NLGN1: variants seen among roughly 807,000 people sequenced by gnomAD.
NLGN1 encodes the protein neuroligin-1.
In NLGN1, 12 loss-of-function variants were observed where a neutral mutation model predicts 65.5. That is an observed-to-expected ratio of 0.18 (90% CI 0.12 to 0.30). NLGN1 has a LOEUF of 0.30. Ranked by LOEUF, NLGN1 falls within the 10% of genes least tolerant of loss-of-function variation. The probability of loss-of-function intolerance (pLI) is 1.00; values close to 1 mark genes in which losing one functional copy is unlikely to be tolerated. For missense variants in NLGN1, 750 were observed against 1,007.1 expected (o/e 0.74, Z 3.46); for synonymous variants, 350 against 359.5 (o/e 0.97, Z 0.30).
intron 4 of NLGN1, among the ~76,000 whole-genome samples, chr3:174,048,897 G>T (rs2152500098): frequency 6.6e-6 from 1 of 151,974 alleles, no homozygotes; most frequent in South Asian, 2.1e-4. Flanking sequence ...GACATTTATG[G>T]CTCTCAAAAC....
intron 4 of NLGN1, among the ~76,000 whole-genome samples, chr3:174,027,872 C>T (rs1729153162): frequency 6.6e-6 from 1 of 152,084 alleles, no homozygotes; most frequent in South Asian, 2.1e-4. Flanking sequence ...TAAGTCTCAC[C>T]TTGAATTGTG....
At chr3:173,493,384 T>C (rs1358145122) in intron 2 of NLGN1, among the ~76,000 whole-genome samples, 1 of 151,850 alleles carries the variant, frequency 6.6e-6, no homozygotes, top group Non-Finnish European at 1.5e-5. Context: ...CAAGCAATAA[T>C]GAACTGCAGT....
At position 174,279,414 on chromosome 3, in the gene NLGN1, C is replaced by T; in HGVS notation, c.1413C>T (p.Ala471=). The T allele has an allele frequency of 6.2e-7, 1 of 1,613,242 alleles. No homozygotes were observed. Among genetic ancestry groups the T allele is most frequent in the Non-Finnish European group, 8.5e-7 (1 of 1,179,498 alleles). The change falls in exon 6 of 7, where the codon GCC becomes GCT. Residue 471 remains alanine, a synonymous_variant. Transcript: ENST00000457714. The surrounding 1 kb of genome is among the most constrained non-coding windows in gnomAD (Gnocchi z 4.7). ...ATCAGTGGGTGGCACCAGCTGTAGCCACAGCGGATCTTCACTCAAACTTTG... is the reference window on the plus strand; with the variant it reads ...ATCAGTGGGTGGCACCAGCTGTAGCTACAGCGGATCTTCACTCAAACTTTG...
chr3:174,259,607 A>G (rs1335799359), intron 4 of NLGN1, among the ~76,000 whole-genome samples: 2 of 152,168 alleles, frequency 1.3e-5, no homozygotes, highest in Non-Finnish European at 2.9e-5. Flanking sequence ...TTATTACAAT[A>G]CAATTAAATG....
intron 4 of NLGN1, among the ~76,000 whole-genome samples, chr3:173,824,005 C>T (rs1720846807): frequency 6.7e-6 from 1 of 150,274 alleles, no homozygotes; most frequent in Admixed American, 6.6e-5. Context: ...ATTTTGTTTT[C>T]CAGAGGTTTG....
At chr3:173,964,365 G>A (rs1714325036) in intron 4 of NLGN1, among the ~76,000 whole-genome samples, 1 of 152,182 alleles carries the variant, frequency 6.6e-6, no homozygotes. Flanking sequence ...GTTATCTACT[G>A]CAACATGCAG....
chr3:173,553,298 G>A (rs1028609020), intron 2 of NLGN1, among the ~76,000 whole-genome samples: 1 of 151,992 alleles, frequency 6.6e-6, no homozygotes, highest in South Asian at 2.1e-4. Context: ...CAAGACCTAA[G>A]GAAACATCAA....
intron 3 of NLGN1, among the ~76,000 whole-genome samples, chr3:173,642,955 T>G (rs1757648565): frequency 6.6e-6 from 1 of 152,166 alleles, no homozygotes; most frequent in South Asian, 2.1e-4. Flanking sequence ...TTAAATATTT[T>G]TAAGTTAAAT....
intron 3 of NLGN1, among the ~76,000 whole-genome samples, chr3:173,669,669 A>G (rs1016176964): frequency 6.6e-6 from 1 of 152,206 alleles, no homozygotes; most frequent in Non-Finnish European, 1.5e-5. Context: ...TCAATAGGTG[A>G]ATTTGTGGGG....
intron 2 of NLGN1, among the ~76,000 whole-genome samples, chr3:173,545,400 T>C (rs1739623495): frequency 6.6e-6 from 1 of 151,966 alleles, no homozygotes; most frequent in African/African-American, 2.4e-5. Flanking sequence ...TTATCAAAGA[T>C]GAATTGAAGC....
exon 7 of NLGN1, chr3:174,286,030 C>G (rs1752073590): frequency 6.6e-6 from 1 of 151,210 alleles, no homozygotes; most frequent in Non-Finnish European, 1.5e-5. Flanking sequence ...ATTTAAATCT[C>G]TAGCAAACTT....
chr3:174,085,052 T>C (rs948557140), intron 4 of NLGN1, among the ~76,000 whole-genome samples: 3 of 152,008 alleles, frequency 2.0e-5, no homozygotes, highest in Non-Finnish European at 2.9e-5. Flanking sequence ...ATATTTTGGT[T>C]GTGAAATGAG....
intron 3 of NLGN1, among the ~76,000 whole-genome samples, chr3:173,797,693 C>A (rs1369307450): frequency 1.9e-4 from 11 of 56,456 alleles, no homozygotes; most frequent in African/African-American, 5.3e-4. Context: ...ACAACAACAA[C>A]AACAACAAAA....
intron 3 of NLGN1, among the ~76,000 whole-genome samples, chr3:173,607,807 C>T: frequency 6.7e-6 from 1 of 149,492 alleles, no homozygotes; most frequent in Non-Finnish European, 1.5e-5. Context: ...TTTGCCAGGA[C>T]TTTATGAATG....
intron 3 of NLGN1, among the ~76,000 whole-genome samples, chr3:173,806,000 G>C (rs942809807): frequency 3.3e-5 from 5 of 152,072 alleles, no homozygotes; most frequent in Non-Finnish European, 7.4e-5. Flanking sequence ...AAATGTGTCT[G>C]TGTTTAGTGA....
At chr3:174,290,084 A>G (rs945338513), downstream of NLGN1, among the ~76,000 whole-genome samples, 1 of 150,126 alleles carries the variant, frequency 6.7e-6, no homozygotes, top group Non-Finnish European at 1.5e-5. Flanking sequence ...TAAGTTTCAA[A>G]TTTCTCCTTA....
intron 2 of NLGN1, among the ~76,000 whole-genome samples, chr3:173,550,859 C>T (rs544763626): frequency 6.6e-6 from 1 of 152,182 alleles, no homozygotes; most frequent in South Asian, 2.1e-4. Flanking sequence ...TATATTATAA[C>T]CTATTCACTT....
intron 4 of NLGN1, among the ~76,000 whole-genome samples, chr3:174,246,977 T>C (rs1274119146): frequency 1.3e-5 from 2 of 152,158 alleles, no homozygotes; most frequent in Non-Finnish European, 2.9e-5. Flanking sequence ...TATGCTATGG[T>C]CCATGTAGAC....
chr3:173,630,175 A>G (rs532643601), intron 3 of NLGN1, among the ~76,000 whole-genome samples: 4 of 152,312 alleles, frequency 2.6e-5, no homozygotes, highest in Non-Finnish European at 5.9e-5. Context: ...AGTCTACACA[A>G]CAAGGAGAAA....
Sources: allele counts gnomAD v4.1 joint callset (sites outside exome capture counted in the v4.1 genomes callset), GRCh38; gene constraint gnomAD v4.1.1; non-coding constraint Gnocchi (gnomAD v3.1); transcripts MANE v1.5; gene names NCBI Gene and HGNC (gene_info 2026-07-23, HGNC 2026-07-21).